Variants in SEZ6L2 observed in about 807,000 individuals in gnomAD.
SEZ6L2 encodes seizure 6-like protein 2.
In SEZ6L2, 44 loss-of-function variants were observed where a neutral mutation model predicts 97.0. The ratio of observed to expected loss-of-function variants is 0.45; its 90% CI spans 0.36 to 0.58. The LOEUF (loss-of-function observed/expected upper bound fraction) is 0.58. Among genes scored for constraint, SEZ6L2 ranks in the 20% least tolerant of loss-of-function variants. SEZ6L2 has a pLI of 0.00. For synonymous variants in SEZ6L2, 543 were observed against 546.1 expected, an observed-to-expected ratio of 0.99 and a Z score of 0.08; for missense variants, 1,086 against 1,233.3, an observed-to-expected ratio of 0.88 and a Z score of 1.79.
At chr16:29,880,112 G>A (rs1247018133) in intron 8 of SEZ6L2, 48 bp from the exon 9 acceptor site, 4 of 1,575,174 alleles carry the variant, frequency 2.5e-6, no homozygotes, top group East Asian at 4.6e-5. Context: ...CAGGCCTCAA[G>A]GGATCTTAAA....
intron 5 of SEZ6L2, among the ~76,000 whole-genome samples, chr16:29,889,416 G>C (rs2068220353): frequency 6.6e-6 from 1 of 151,736 alleles, no homozygotes; most frequent in Middle Eastern, 3.2e-3. Context: ...TCCAGCCTGG[G>C]CGACAAGAGC....
In SEZ6L2 at chr16:29,873,136, G is replaced by A; in HGVS notation, c.2488+104C>T. 1 of 1,294,620 alleles carries A rather than the reference G, an allele frequency of 7.7e-7. No individual in the cohort carries two copies. The highest frequency in any genetic ancestry group is 1.1e-6 in the Non-Finnish European group (1 of 936,568). The allele number at this position is 1,294,620 out of a possible 1,614,324, so 80.2% of individuals were successfully genotyped here. A position where few individuals can be genotyped will look rare whatever the true frequency, so the allele number is the denominator to read the frequency against. ...CGAGGCCACAGGAGGAGAACCGGGAGCTCTGTGGGGTCGCCCATTGGTCTC... is the reference window on the plus strand; with the variant it reads ...CGAGGCCACAGGAGGAGAACCGGGAACTCTGTGGGGTCGCCCATTGGTCTC... On this transcript the variant is annotated intron_variant, in intron 14 of 17. Transcript: ENST00000617533. This position sits in a 1 kb window ranked among gnomAD's most constrained non-coding sequence, Gnocchi z 4.3.
rs1479973195 is a variant in SEZ6L2 at position 29,871,654 on chromosome 16, A to C, written c.*45T>G. On this transcript the variant is annotated 3_prime_UTR_variant, in exon 18 of 18. Transcript: ENST00000617533. The stretch of plus-strand genomic sequence containing the variant: ...TCCCGTATTTCCCTCTGCCCGAATG[A>C]GGAGGGGAGGGGCGTCCTGGGTCCT... 1.9e-6 allele frequency: 3 copies of C among 1,590,218 alleles called. No individual in the cohort carries two copies. The highest frequency in any genetic ancestry group is 2.6e-6 in the Non-Finnish European group (3 of 1,165,914).
At chr16:29,880,760 GT>G (rs1390105436) in intron 8 of SEZ6L2, among the ~76,000 whole-genome samples, 2 of 149,520 alleles carry the variant, frequency 1.3e-5, no homozygotes, top group Non-Finnish European at 1.5e-5. Flanking sequence ...CCCAGCCTGG[GT>G]TTTTTTTTAA....
chr16:29,872,627 G>A (rs1001270403), intron 15 of SEZ6L2, 78 bp downstream of exon 15: 4 of 1,600,390 alleles, frequency 2.5e-6, no homozygotes, highest in Admixed American at 3.4e-5. Flanking sequence ...ATCCCTCCAA[G>A]GCCTGGCCTC....
chr16:29,879,197 C>T (rs940502430), intron 9 of SEZ6L2, among the ~76,000 whole-genome samples: 1 of 151,106 alleles, frequency 6.6e-6, no homozygotes, highest in African/African-American at 2.4e-5. Context: ...GACACTGCTC[C>T]CGGCTTTATC....
chr16:29,891,604 G>A (rs1415099344), intron 5 of SEZ6L2, among the ~76,000 whole-genome samples: 1 of 151,904 alleles, frequency 6.6e-6, no homozygotes, highest in Non-Finnish European at 1.5e-5. Context: ...TTGTGCCATT[G>A]CACTCCAGCC....
At chr16:29,888,805 T>C (rs2068205376) in intron 5 of SEZ6L2, 80 bp from the exon 6 acceptor site, 1 of 1,319,966 alleles carries the variant, frequency 7.6e-7, no homozygotes, top group Non-Finnish European at 1.0e-6. Flanking sequence ...ACTTCCCCCC[T>C]CTCCTTTCAG....
intron 1 of SEZ6L2, 55 bp from the exon 2 acceptor site, chr16:29,898,039 A>G (rs541964265): frequency 2.5e-6 from 4 of 1,604,990 alleles, no homozygotes; most frequent in Admixed American, 3.4e-5. Flanking sequence ...TTCCTTCTCC[A>G]GAGAGATATT....
chr16:29,897,933 G>C lies in SEZ6L2; in HGVS notation c.131C>G (p.Pro44Arg). The stretch of plus-strand genomic sequence containing the variant: ...AGCCAGGGCCTCAGAGGCCACCGTG[G>C]GGGTCTCACTTCCAGGCTCTGGCAA... ...EILPEPGSETPTVASEALAEL... is the reference protein window; with the variant it reads ...EILPEPGSETRTVASEALAEL... Residue 44 changes from proline (P) to arginine (R), a missense_variant, in exon 2 of 18, where the codon CCC (proline) becomes CGC (arginine). This residue lies in a region of SEZ6L2 where 776 missense variants were observed against 794.7 expected (regional missense o/e 0.98). Transcript: ENST00000617533. The C allele has an allele frequency of 6.2e-7, 1 of 1,613,774 alleles. No individual in the cohort carries two copies. The highest frequency in any genetic ancestry group is 8.5e-7 in the Non-Finnish European group (1 of 1,179,858).
intron 5 of SEZ6L2, among the ~76,000 whole-genome samples, chr16:29,894,818 C>A (rs866271162): frequency 1.3e-5 from 2 of 151,876 alleles, no homozygotes; most frequent in African/African-American, 2.4e-5. Context: ...GAGGGCCCTG[C>A]CCCCCAGGGT....
rs752017562 is a variant in SEZ6L2 at position 29,887,804 on chromosome 16, G to A, written c.1053C>T (p.Gly351=). Residue 351 remains glycine, a synonymous_variant, in exon 7 of 18, where the codon GGC becomes GGT. Coordinates refer to ENST00000617533, the MANE Select transcript of SEZ6L2 (RefSeq NM_001243332.2). ...GGCCCAGGGTGGCATTGTGGATGGT[G>A]CCACCACAGGATGCTGTGGGCAGAG... ...ETPSCMASCG[G]TIHNATLGRI... 6.2e-7 allele frequency: 1 copy of A among 1,613,738 alleles called. No homozygotes were observed.
chr16:29,896,580 A>G (rs1596993857), intron 3 of SEZ6L2, among the ~76,000 whole-genome samples: 1 of 152,114 alleles, frequency 6.6e-6, no homozygotes, highest in East Asian at 1.9e-4. Flanking sequence ...GTCCATCACT[A>G]TCTTTAAGCA....
In SEZ6L2 at chr16:29,876,479, C is replaced by T. The variant is rs1315890709; in HGVS notation, c.2104+277G>A. ...GGGTCAGGAGGGGACGGGGCGGGGC[C>T]GTGAGACGAGGAAACAGGGACCGAG... On this transcript the variant is annotated intron_variant, in intron 12 of 17. Coordinates refer to ENST00000617533, the MANE Select transcript of SEZ6L2 (RefSeq NM_001243332.2). The surrounding 1 kb of genome is among the most constrained non-coding windows in gnomAD (Gnocchi z 6.5). Among the ~76,000 whole-genome samples the T allele has an allele frequency of 6.6e-6, 1 of 151,908 alleles. No homozygotes were observed. The highest frequency in any genetic ancestry group is 1.5e-5 in the Non-Finnish European group (1 of 67,978).
At chr16:29,884,091 A>G (rs1036614123) in intron 8 of SEZ6L2, among the ~76,000 whole-genome samples, 1 of 151,580 alleles carries the variant, frequency 6.6e-6, no homozygotes, top group African/African-American at 2.4e-5. Context: ...GGCCTTCCCC[A>G]CTCCCAGTCC....
rs761872296 is a variant in SEZ6L2, at chr16:29,896,922, A to C, written c.411T>G (p.Pro137=). Residue 137 remains proline, a synonymous_variant, in exon 3 of 18, where the codon CCT becomes CCG. Transcript: ENST00000617533. ...PGTTAPPPPS[P]ASPGPPLGPE... ...GCCCAAGGGGAGGCCCTGGGGAGGC[A>C]GGGCTGGGTGGGGGTGGGGCTGTGG... 8 of 1,434,840 alleles carry C rather than the reference A, an allele frequency of 5.6e-6. No homozygotes were observed. The Admixed American group carries it at 1.2e-4, about 21-fold the overall frequency. The allele number at this position is 1,434,840 out of a possible 1,614,324, so 88.9% of individuals were successfully genotyped here. A position where few individuals can be genotyped will look rare whatever the true frequency, so the allele number is the denominator to read the frequency against.
At position 29,872,298 on chromosome 16, in the gene SEZ6L2, G is replaced by C; in HGVS notation, c.2646-15C>G. On this transcript the variant is annotated splice_polypyrimidine_tract_variant and intron_variant, in intron 16 of 17. Transcript: ENST00000617533. The stretch of plus-strand genomic sequence containing the variant: ...TTCCCTGAAGCCTGGGAAAGGGAGA[G>C]GACAGAGGAGCTTATCAACAGGTAA... 1 of 1,606,964 alleles carries C rather than the reference G, an allele frequency of 6.2e-7. No individual in the cohort carries two copies. The highest frequency in any genetic ancestry group is 1.1e-5 in the South Asian group (1 of 90,218).
rs1253684797 is a variant in SEZ6L2 at position 29,873,463 on chromosome 16, G to A, written c.2297-32C>T. On this transcript the variant is annotated intron_variant, in intron 13 of 17. Transcript: ENST00000617533. This position sits in a 1 kb window ranked among gnomAD's most constrained non-coding sequence, Gnocchi z 4.3. ...GGAGCATGCCAGTCACGTGCCAGCT[G>A]CACTACTGTGCACGGGGCAGACGGG... The A allele has an allele frequency of 1.2e-6, 2 of 1,613,886 alleles. No individual in the cohort carries two copies. The highest frequency in any genetic ancestry group is 1.7e-6 in the Non-Finnish European group (2 of 1,179,914).
chr16:29,885,140 G>A (rs938208266), intron 8 of SEZ6L2, among the ~76,000 whole-genome samples: 6 of 152,102 alleles, frequency 3.9e-5, no homozygotes, highest in Admixed American at 6.6e-5. Context: ...CCCGGAAGGC[G>A]GAGCTTGCAG....
Sources: gnomAD v4.1 joint callset for allele counts (sites outside exome capture counted in the v4.1 genomes callset) on GRCh38, gnomAD v4.1.1 for gene constraint, gnomAD v4.1.1 regional missense constraint, Gnocchi (gnomAD v3.1) non-coding constraint, MANE v1.5 for transcripts, NCBI Gene and HGNC (gene_info 2026-07-23, HGNC 2026-07-21) for gene names.